Variants in PRX observed in about 807,000 individuals in gnomAD.
PRX encodes the protein periaxin.
PRX carries 24 observed loss-of-function variants against 29.6 expected under a neutral mutation model. That is an observed-to-expected ratio of 0.81 (90% CI 0.59 to 1.14). The LOEUF (loss-of-function observed/expected upper bound fraction) is 1.14, where lower values mean the gene tolerates loss of function less well. PRX is among the 50% of genes most tolerant of loss of function. The probability of loss-of-function intolerance (pLI) is 0.00; values close to 1 mark genes in which losing one functional copy is unlikely to be tolerated. For synonymous variants in PRX, 772 were observed against 831.7 expected (o/e 0.93, Z 1.24); for missense variants, 1,838 against 1,926.4 (o/e 0.95, Z 0.86).
chr19:40,408,078 G>T, intron 3 of PRX, 47 bp from the exon 4 acceptor site: 1 of 1,050,352 alleles, frequency 9.5e-7, no homozygotes, highest in Non-Finnish European at 1.4e-6. Context: ...GGGGACGAGA[G>T]GTGGAGGCCA....
Position 40,394,484 on chromosome 19 carries a change from C to G in PRX, c.3868G>C (p.Glu1290Gln). 6.2e-7 allele frequency: 1 copy of G among 1,601,122 alleles called. No homozygotes were observed. The highest frequency in any genetic ancestry group is 1.7e-5 in the Admixed American group (1 of 58,554). The change falls in exon 7 of 7, where the codon GAG becomes CAG. Residue 1290 changes from glutamate to glutamine, a missense_variant. Glu to Gln is a conservative substitution (Grantham distance 29, BLOSUM62 2). This residue lies in a region of PRX where 1,143 missense variants were observed against 1,193.0 expected (regional missense o/e 0.96). Transcript: ENST00000324001. The surrounding 1 kb of genome is among the most constrained non-coding windows in gnomAD (Gnocchi z 5.8). ...ELSPSGGNHAEYQVAEGEGEA... is the reference protein window; with the variant it reads ...ELSPSGGNHAQYQVAEGEGEA... ...CCCTCCCCCTCTGCCACCTGGTACT[C>G]GGCATGGTTGCCCCCGGATGGCGAG... is the stretch of plus-strand genomic sequence containing the variant.
rs1477884504 is a variant in PRX, at chr19:40,403,752, C to G, written c.138G>C (p.Glu46Asp). The change falls in exon 5 of 7, where the codon GAG (glutamate) becomes GAC (aspartate). Residue 46 changes from glutamate (E) to aspartate (D), a missense_variant. By Grantham distance (45) the Glu-to-Asp change is conservative. Transcript: ENST00000324001. ...GGGKEGIFVR[E>D]LREDSPAARS... ...TGGCGGCGGGTGAGTCCTCGCGCAG[C>G]TCCCGAACGAAGATTCCCTCTTTGC... 6.3e-6 allele frequency: 10 copies of G among 1,582,608 alleles called. No individual in the cohort carries two copies. Among genetic ancestry groups the G allele is most frequent in the Non-Finnish European group, 8.6e-6 (10 of 1,165,688 alleles).
At chr19:40,412,349 A>AG (rs2079562410) in intron 1 of PRX, among the ~76,000 whole-genome samples, 1 of 152,170 alleles carries the variant, frequency 6.6e-6, no homozygotes, top group Admixed American at 6.5e-5. Context: ...GGACTTGGGC[A>AG]AGATCCTTCA....
upstream of PRX, among the ~76,000 whole-genome samples, chr19:40,413,534 G>T (rs1199657065): frequency 6.6e-6 from 1 of 152,074 alleles, no homozygotes; most frequent in African/African-American, 2.4e-5. Context: ...CCCAAGGGGT[G>T]GGGGCCACGG....
At position 40,408,174 on chromosome 19, in the gene PRX, G is replaced by A; in HGVS notation, c.-116C>T. The A allele has an allele frequency of 1.7e-6, 1 of 601,686 alleles. No homozygotes were observed. Among genetic ancestry groups the A allele is most frequent in the Non-Finnish European group, 3.0e-6 (1 of 336,432 alleles). The allele number at this position is 601,686 out of a possible 1,614,324, so 37.3% of individuals were successfully genotyped here. ...TCCTCTCACCGCTGCCTGGGTGCAGGCACTTCCTCCTAACAGGAGCCCAGC... is the reference window on the plus strand; with the variant it reads ...TCCTCTCACCGCTGCCTGGGTGCAGACACTTCCTCCTAACAGGAGCCCAGC... On this transcript the variant is annotated 5_prime_UTR_variant, in exon 3 of 7. Transcript: ENST00000324001.
At chr19:40,409,714 CACCT>C (rs2079550268) in intron 1 of PRX, among the ~76,000 whole-genome samples, 1 of 151,954 alleles carries the variant, frequency 6.6e-6, no homozygotes, top group East Asian at 1.9e-4. Flanking sequence ...TCAGGTGATC[CACCT>C]GCCTCAGCCT....
rs1411840597 is a variant in PRX at position 40,398,438 on chromosome 19, G to C, written c.381+182C>G. 35 of 1,512,530 alleles carry C rather than the reference G, an allele frequency of 2.3e-5. 1 individual carries two copies. The South Asian group carries it at 4.4e-4, about 19-fold the overall frequency. 93.7% of individuals were successfully genotyped at this position (1,512,530 alleles called of 1,614,324 possible). A position where few individuals can be genotyped will look rare whatever the true frequency, so the allele number is the denominator to read the frequency against. ...GGGTGAGGGCCCTGGGCTGGGGTGG[G>C]TCTGTCCCCCTTCCCGGGGAAGAGT... On this transcript the variant is annotated intron_variant, in intron 6 of 6. Coordinates refer to ENST00000324001, the MANE Select transcript of PRX (RefSeq NM_181882.3). This position sits in a 1 kb window ranked among gnomAD's most constrained non-coding sequence, Gnocchi z 6.3.
chr19:40,396,309 G>A lies in PRX; in HGVS notation c.2043C>T (p.Pro681=), dbSNP rs56743160. 710 of 1,604,746 alleles carry A rather than the reference G, an allele frequency of 4.4e-4. 2 individuals are homozygous for A. The African/African-American group carries it at 8.6e-3, about 19-fold the overall frequency. ...PEMAVPEVRL[P]EVQLPKVSEM... Reference sequence around the variant, plus strand: ...CTGAGACTTTTGGCAGCTGCACCTCGGGGAGTCGAACCTCTGGCACAGCCA... The same window carrying A: ...CTGAGACTTTTGGCAGCTGCACCTCAGGGAGTCGAACCTCTGGCACAGCCA... Residue 681 remains proline, a synonymous_variant, in exon 7 of 7, where the codon CCC becomes CCT. Transcript: ENST00000324001.
In PRX at chr19:40,395,978, C is replaced by T; in HGVS notation, c.2374G>A (p.Ala792Thr). Reference sequence around the variant, plus strand: ...TTGAAGCCAAATTCCATCCCTTCTGCCTGTTCTGCCTTGGTGGCCTTTAGC... The same window carrying T: ...TTGAAGCCAAATTCCATCCCTTCTGTCTGTTCTGCCTTGGTGGCCTTTAGC... Reference protein sequence around the residue: ...VQLKATKAEQAEGMEFGFKMP... With the variant: ...VQLKATKAEQTEGMEFGFKMP... Residue 792 changes from alanine to threonine, a missense_variant, in exon 7 of 7, where the codon GCA becomes ACA. By Grantham distance (58) the Ala-to-Thr change is moderately conservative. This residue lies in a region of PRX where 1,143 missense variants were observed against 1,193.0 expected (regional missense o/e 0.96). Transcript: ENST00000324001. 1.9e-6 allele frequency: 3 copies of T among 1,614,062 alleles called. No individual in the cohort carries two copies. Among genetic ancestry groups the T allele is most frequent in the Non-Finnish European group, 2.5e-6 (3 of 1,180,018 alleles).
chr19:40,395,468 AT>A lies in PRX; in HGVS notation c.2883del (p.Lys961AsnfsTer47). 1 of 1,613,700 alleles carries A rather than the reference AT, an allele frequency of 6.2e-7. No homozygotes were observed. Among genetic ancestry groups the A allele is most frequent in the African/African-American group, 1.3e-5 (1 of 74,858 alleles). On this transcript the variant is annotated frameshift_variant, in exon 7 of 7. Transcript: ENST00000324001. LOFTEE classifies it low-confidence loss of function (END_TRUNC). ...AGRATKLKVS[K>X]FAISLPKARV... Reference sequence around the variant, plus strand: ...CGAGCCTTGGGGAGTGAGATGGCAAATTTGGATACCTTCAGCTTGGTAGCTC... The same window carrying A: ...CGAGCCTTGGGGAGTGAGATGGCAAATTGGATACCTTCAGCTTGGTAGCTC...
chr19:40,399,905 TTTTCTTTC>T (rs796401501), intron 5 of PRX, among the ~76,000 whole-genome samples: 1 of 73,970 alleles, frequency 1.4e-5, no homozygotes, highest in Non-Finnish European at 2.6e-5. Context: ...CTTTCTTTCT[TTTTCTTTC>T]TTTCTTTCTT....
rs147618050 is a variant in PRX, at chr19:40,396,012, C to T, written c.2340G>A (p.Pro780=). ...CCTTGGTGGCCTTTAGCTGCACCTC[C>T]GGAGCCCTGGGCAGCTTCACCTCTG... The part of the protein sequence containing the change: ...KAPEVKLPRA[P]EVQLKATKAE... The change falls in exon 7 of 7, where the codon CCG becomes CCA. Residue 780 remains proline (P), a synonymous_variant. Transcript: ENST00000324001. 22 of 1,613,870 alleles carry T rather than the reference C, an allele frequency of 1.4e-5. No individual in the cohort carries two copies. The African/African-American group carries it at 1.7e-4, about 13-fold the overall frequency.
Position 40,397,279 on chromosome 19 carries a change from G to A in PRX, c.1073C>T (p.Pro358Leu), listed in dbSNP as rs1325349366. The change falls in exon 7 of 7, where the codon CCC becomes CTC. Residue 358 changes from proline (P) to leucine (L), a missense_variant. This residue lies in a region of PRX where 666 missense variants were observed against 665.0 expected (regional missense o/e 1.00). Transcript: ENST00000324001. ...GEAPEVALKMPRLSFPRFGAR... is the reference protein window; with the variant it reads ...GEAPEVALKMLRLSFPRFGAR... ...CCCAAATCGGGGAAAACTAAGGCGG[G>A]GCATCTTCAGGGCCACCTCAGGTGC... The A allele has an allele frequency of 6.2e-7, 1 of 1,613,524 alleles. No individual in the cohort carries two copies. The highest frequency in any genetic ancestry group is 1.1e-5 in the South Asian group (1 of 91,090).
At chr19:40,411,786 C>G (rs2079559884) in intron 1 of PRX, among the ~76,000 whole-genome samples, 1 of 152,114 alleles carries the variant, frequency 6.6e-6, no homozygotes, top group African/African-American at 2.4e-5. Flanking sequence ...TGGGGAGGGT[C>G]CCTGCCTTGT....
chr19:40,409,822 G>A (rs1195039071), intron 1 of PRX, among the ~76,000 whole-genome samples: 2 of 152,040 alleles, frequency 1.3e-5, no homozygotes, highest in Non-Finnish European at 2.9e-5. Flanking sequence ...TGTGTCGAGC[G>A]CCCCACATGC....
Position 40,398,896 on chromosome 19 carries a change from C to G in PRX, c.185-80G>C. On this transcript the variant is annotated intron_variant, in intron 5 of 6. Coordinates refer to ENST00000324001, the MANE Select transcript of PRX (RefSeq NM_181882.3). This position sits in a 1 kb window ranked among gnomAD's most constrained non-coding sequence, Gnocchi z 6.3. ...CCTAGTTCTGCCCACTTGCACGGAG[C>G]CCTCGCGGTGAGGACCCGCCCCAAA... is the stretch of plus-strand genomic sequence containing the variant. 3.8e-6 allele frequency: 6 copies of G among 1,598,904 alleles called. No homozygotes were observed. The highest frequency in any genetic ancestry group is 5.1e-6 in the Non-Finnish European group (6 of 1,172,184).
In PRX at chr19:40,393,915, G is replaced by A. The variant is rs749707577; in HGVS notation, c.*51C>T. The A allele has an allele frequency of 5.4e-5, 86 of 1,601,502 alleles. No homozygotes were observed. In the Admixed American group the frequency reaches 1.1e-3, roughly 21 times the overall value. ...TGCTAGTTATCACACACACAACAGC[G>A]AGGGGGTAGAGAAAGGAAGGCAAGA... is the stretch of plus-strand genomic sequence containing the variant. On this transcript the variant is annotated 3_prime_UTR_variant, in exon 7 of 7. Transcript: ENST00000324001.
In PRX at chr19:40,394,542, A is replaced by G. The variant is rs1285277357; in HGVS notation, c.3810T>C (p.Arg1270=). The G allele has an allele frequency of 6.2e-7, 1 of 1,604,358 alleles. No individual in the cohort carries two copies. The highest frequency in any genetic ancestry group is 8.5e-7 in the Non-Finnish European group (1 of 1,176,212). The change falls in exon 7 of 7, where the codon CGT becomes CGC. Residue 1270 remains arginine, a synonymous_variant. Coordinates refer to ENST00000324001, the MANE Select transcript of PRX (RefSeq NM_181882.3). The surrounding 1 kb of genome is among the most constrained non-coding windows in gnomAD (Gnocchi z 5.8). The part of the protein sequence containing the change: ...GAEEQPPGAE[R]TFCLSLPDVE... Reference sequence around the variant, plus strand: ...CGTCGGGCAGTGAGAGGCAGAAGGTACGCTCGGCCCCTGGGGGCTGCTCCT... The same window carrying G: ...CGTCGGGCAGTGAGAGGCAGAAGGTGCGCTCGGCCCCTGGGGGCTGCTCCT...
chr19:40,406,031 G>A (rs1283067506), intron 4 of PRX, among the ~76,000 whole-genome samples: 1 of 151,654 alleles, frequency 6.6e-6, no homozygotes, highest in South Asian at 2.1e-4. Flanking sequence ...AGGATCACCT[G>A]AGGTCAGGAG....
Sources: gnomAD v4.1 joint callset for allele counts (sites outside exome capture counted in the v4.1 genomes callset) on GRCh38, gnomAD v4.1.1 for gene constraint, gnomAD v4.1.1 regional missense constraint, Gnocchi (gnomAD v3.1) non-coding constraint, MANE v1.5 for transcripts, NCBI Gene and HGNC (gene_info 2026-07-23, HGNC 2026-07-21) for gene names.